FGF13: variants seen among roughly 807,000 people sequenced by gnomAD.
FGF13 encodes fibroblast growth factor 13, also known as fibroblast growth factor homologous factor 2.
Under a neutral mutation model 19.5 loss-of-function variants are expected in FGF13, and 2 were observed. The ratio of observed to expected loss-of-function variants is 0.10; its 90% CI spans 0.04 to 0.32. FGF13 has a LOEUF of 0.32. Ranked by LOEUF, FGF13 falls within the 10% of genes least tolerant of loss-of-function variation. FGF13 has a pLI of 1.00. For synonymous variants in FGF13, 72 were observed against 76.9 expected, an observed-to-expected ratio of 0.94 and a Z score of 0.33; for missense variants, 113 against 192.7, an observed-to-expected ratio of 0.59 and a Z score of 2.45.
intron 1 of FGF13, among the ~76,000 whole-genome samples, chrX:139,063,904 G>A (rs2092344443): frequency 9.0e-6 from 1 of 111,486 alleles, no homozygotes; most frequent in East Asian, 2.8e-4. Flanking sequence ...CTCAATACTT[G>A]TTTGCTTGAT....
At chrX:139,032,320 A>G (rs2092230000) in intron 1 of FGF13, among the ~76,000 whole-genome samples, 2 of 111,646 alleles carry the variant, frequency 1.8e-5, no homozygotes, top group African/African-American at 6.5e-5. Context: ...TGGACACCAA[A>G]CCACGCATCT....
chrX:138,633,434 A>G (rs2089144131), intron 4 of FGF13, among the ~76,000 whole-genome samples: 1 of 111,609 alleles, frequency 9.0e-6, no homozygotes, highest in African/African-American at 3.3e-5. Context: ...TCAACCACAT[A>G]TGGTTATGTA....
intron 1 of FGF13, among the ~76,000 whole-genome samples, chrX:139,100,041 A>C (rs113005502): frequency 3.9e-5 from 3 of 76,412 alleles, no homozygotes; most frequent in African/African-American, 1.0e-4. Flanking sequence ...GGGGAAAGCA[A>C]ACACACACAC....
chrX:139,062,686 A>G (rs1376832754), intron 1 of FGF13, among the ~76,000 whole-genome samples: 2 of 111,946 alleles, frequency 1.8e-5, no homozygotes, highest in Admixed American at 9.5e-5. Context: ...AACACTAGGT[A>G]TCTTTCCATT....
At chrX:138,945,522 A>C (rs2091777795) in intron 1 of FGF13, among the ~76,000 whole-genome samples, 1 of 111,830 alleles carries the variant, frequency 8.9e-6, no homozygotes, top group South Asian at 3.8e-4. Context: ...TCCTAGAAGA[A>C]AGGATCTACT....
At chrX:139,113,842 T>C (rs1448696427) in intron 1 of FGF13, among the ~76,000 whole-genome samples, 1 of 111,717 alleles carries the variant, frequency 9.0e-6, no homozygotes, top group African/African-American at 3.3e-5. Context: ...TTCCGGAAAA[T>C]GAGGAAGACT....
chrX:138,917,487 A>C (rs963005656), intron 1 of FGF13, among the ~76,000 whole-genome samples: 1 of 111,918 alleles, frequency 8.9e-6, no homozygotes, highest in Non-Finnish European at 1.9e-5. Flanking sequence ...ATAAATGCCT[A>C]TTCTTTAATC....
At chrX:138,732,917 T>A (rs1252304993) in intron 1 of FGF13, among the ~76,000 whole-genome samples, 1 of 110,725 alleles carries the variant, frequency 9.0e-6, no homozygotes, top group East Asian at 2.9e-4. Flanking sequence ...AAAATGTAGA[T>A]CCTTGGGTTC....
chrX:138,760,295 T>A (rs764265849), intron 3 of FGF13, among the ~76,000 whole-genome samples: 2 of 112,241 alleles, frequency 1.8e-5, no homozygotes, highest in Admixed American at 1.9e-4. Context: ...TATGTGTGCA[T>A]GTACCTGTGT....
chrX:138,623,365 T>C lies in FGF13; in HGVS notation c.*9485A>G. 1 of 111,600 alleles carries C rather than the reference T, an allele frequency of 9.0e-6. No homozygotes were observed. The highest frequency in any genetic ancestry group is 1.9e-5 in the Non-Finnish European group (1 of 53,182). 9.2% of individuals were successfully genotyped at this position (111,600 alleles called of 1,213,427 possible). On this transcript the variant is annotated 3_prime_UTR_variant, in exon 5 of 5. Transcript: ENST00000315930. Reference sequence around the variant, plus strand: ...TCCTCTTCATTTTTTTGGAAGATTTTGAGAAGGATTGGTATTAGTTTTTCC... The same window carrying C: ...TCCTCTTCATTTTTTTGGAAGATTTCGAGAAGGATTGGTATTAGTTTTTCC...
intron 1 of FGF13, among the ~76,000 whole-genome samples, chrX:139,138,998 C>T (rs1437893012): frequency 9.8e-6 from 1 of 102,087 alleles, no homozygotes; most frequent in Non-Finnish European, 2.0e-5. Flanking sequence ...GGTGCAATGT[C>T]GGCTCACTGC....
intron 1 of FGF13, among the ~76,000 whole-genome samples, chrX:138,930,490 T>C (rs2091696303): frequency 9.0e-6 from 1 of 111,641 alleles, no homozygotes; most frequent in African/African-American, 3.3e-5. Flanking sequence ...AGACTCCAAA[T>C]CCGGAGAAAT....
chrX:139,079,975 C>G (rs2083358515), intron 1 of FGF13, among the ~76,000 whole-genome samples: 1 of 98,319 alleles, frequency 1.0e-5, no homozygotes, highest in Non-Finnish European at 2.0e-5. Context: ...CTATCAACAT[C>G]ACCGTCATCA....
chrX:138,862,850 C>T (rs2091296131), intron 2 of FGF13, among the ~76,000 whole-genome samples: 2 of 111,710 alleles, frequency 1.8e-5, no homozygotes, highest in Admixed American at 1.9e-4. Context: ...TCCTTTGCAA[C>T]CTCCCTCATT....
At chrX:139,025,553 C>T (rs1440141721) in intron 1 of FGF13, among the ~76,000 whole-genome samples, 1 of 111,875 alleles carries the variant, frequency 8.9e-6, no homozygotes, top group African/African-American at 3.2e-5. Flanking sequence ...CCACATCTTT[C>T]TGTTCCTTCT....
chrX:138,830,687 T>TTGTCTG (rs1199806084), intron 3 of FGF13, among the ~76,000 whole-genome samples: 3 of 87,518 alleles, frequency 3.4e-5, no homozygotes, highest in African/African-American at 1.3e-4. Context: ...AAAGGGGTGT[T>TTGTCTG]TGTGTGTGTG....
intron 3 of FGF13, among the ~76,000 whole-genome samples, chrX:138,811,137 C>G (rs1035124954): frequency 2.7e-5 from 3 of 112,015 alleles, no homozygotes; most frequent in African/African-American, 9.7e-5. Context: ...TATAAAGACA[C>G]ATGCACACAT....
chrX:138,959,443 A>G (rs745511826), intron 1 of FGF13, among the ~76,000 whole-genome samples: 1 of 111,947 alleles, frequency 8.9e-6, no homozygotes, highest in Non-Finnish European at 1.9e-5. Context: ...ACTTCTAACT[A>G]TGTGGTCAAT....
At chrX:138,835,984 A>AG (rs746143184) in intron 3 of FGF13, among the ~76,000 whole-genome samples, 177 of 111,320 alleles carry the variant, frequency 1.6e-3, no homozygotes, top group African/African-American at 5.6e-3. Flanking sequence ...TTAAAAAAAA[A>AG]AAGAGAGAGA....
Sources: gnomAD v4.1 joint callset for allele counts (sites outside exome capture counted in the v4.1 genomes callset) on GRCh38, gnomAD v4.1.1 for gene constraint, MANE v1.5 for transcripts, NCBI Gene and HGNC (gene_info 2026-07-23, HGNC 2026-07-21) for gene names.